Variants in ANKMY1 observed in about 807,000 individuals in gnomAD.
ANKMY1 encodes ankyrin repeat and MYND domain containing 1.
ANKMY1 carries 98 observed loss-of-function variants against 102.0 expected under a neutral mutation model. That is an observed-to-expected ratio of 0.96 (90% CI 0.82 to 1.14). The LOEUF is 1.14. ANKMY1 is among the 50% of genes most tolerant of loss of function. The probability of loss-of-function intolerance (pLI) is 0.00; values close to 1 mark genes in which losing one functional copy is unlikely to be tolerated. For missense variants in ANKMY1, 1,330 were observed against 1,347.6 expected (o/e 0.99, Z 0.20); for synonymous variants, 582 against 559.9 (o/e 1.04, Z -0.56).
At chr2:240,547,218 C>T (rs1483225470) in intron 4 of ANKMY1, among the ~76,000 whole-genome samples, 1 of 152,186 alleles carries the variant, frequency 6.6e-6, no homozygotes, top group Non-Finnish European at 1.5e-5. Context: ...TCACTCAAAA[C>T]CGCTCAACTA....
intron 9 of ANKMY1, among the ~76,000 whole-genome samples, chr2:240,517,301 C>T (rs1445274026): frequency 6.6e-6 from 1 of 152,218 alleles, no homozygotes; most frequent in Admixed American, 6.5e-5. Flanking sequence ...TTCCTTTGCA[C>T]ACTTCCGGGC....
chr2:240,557,426 G>GC, intron 1 of ANKMY1, 74 bp from the exon 2 acceptor site: 1 of 1,394,940 alleles, frequency 7.2e-7, no homozygotes, highest in Non-Finnish European at 9.4e-7. Flanking sequence ...CCGAGGCCCG[G>GC]CCCGCGGCCC....
In ANKMY1 at chr2:240,492,633, T is replaced by C. The variant is rs377499882; in HGVS notation, c.2806+7325A>G. On this transcript the variant is annotated intron_variant, in intron 15 of 17. Coordinates refer to ENST00000401804, the MANE Select transcript of ANKMY1 (RefSeq NM_001282771.3). ...ATCCTGAATTGTTTTTCTAATTTATTTGTATTGTTTGTTCAGTATTCTCTT... is the reference window on the plus strand; with the variant it reads ...ATCCTGAATTGTTTTTCTAATTTATCTGTATTGTTTGTTCAGTATTCTCTT... Among the ~76,000 whole-genome samples, 487 of 152,344 alleles carry C rather than the reference T, an allele frequency of 3.2e-3. 2 individuals carry two copies. The highest frequency in any genetic ancestry group is 0.011 in the African/African-American group (471 of 41,578).
At chr2:240,504,017 C>T (rs1243344226) in intron 13 of ANKMY1, among the ~76,000 whole-genome samples, 1 of 152,232 alleles carries the variant, frequency 6.6e-6, no homozygotes, top group Non-Finnish European at 1.5e-5. Flanking sequence ...ACACCTCGAT[C>T]GCGGCCTCCA....
upstream of ANKMY1, among the ~76,000 whole-genome samples, chr2:240,559,764 C>G (rs1332142976): frequency 6.6e-6 from 1 of 152,164 alleles, no homozygotes; most frequent in Non-Finnish European, 1.5e-5. Context: ...AAGAGTGAAC[C>G]CCAGGCTGCA....
chr2:240,556,524 C>T (rs184716894), intron 2 of ANKMY1, among the ~76,000 whole-genome samples: 5 of 152,246 alleles, frequency 3.3e-5, no homozygotes, highest in Admixed American at 1.3e-4. Context: ...ACACCTATGA[C>T]ACACTGCCAC....
At chr2:240,511,645 C>T (rs1178259686) in intron 11 of ANKMY1, among the ~76,000 whole-genome samples, 1 of 152,248 alleles carries the variant, frequency 6.6e-6, no homozygotes, top group African/African-American at 2.4e-5. Context: ...GACTTCATGC[C>T]GCCACCCAGG....
At chr2:240,496,722 T>C (rs534615617) in intron 15 of ANKMY1, among the ~76,000 whole-genome samples, 1 of 152,222 alleles carries the variant, frequency 6.6e-6, no homozygotes, top group Non-Finnish European at 1.5e-5. Flanking sequence ...TCTCCTTCCA[T>C]GACCAAACGC....
chr2:240,548,804 C>G (rs1466015447), intron 4 of ANKMY1, among the ~76,000 whole-genome samples: 1 of 148,926 alleles, frequency 6.7e-6, no homozygotes, highest in Admixed American at 6.7e-5. Flanking sequence ...ATCCAACTTA[C>G]AAGGGATGTG....
chr2:240,475,683 A>G (rs2074807054), downstream of ANKMY1, among the ~76,000 whole-genome samples: 1 of 151,878 alleles, frequency 6.6e-6, no homozygotes, highest in Non-Finnish European at 1.5e-5. Context: ...TAAAAACACA[A>G]CTAATTTTTG....
At chr2:240,519,001 C>G (rs1195534043) in intron 9 of ANKMY1, among the ~76,000 whole-genome samples, 1 of 152,240 alleles carries the variant, frequency 6.6e-6, no homozygotes, top group African/African-American at 2.4e-5. Context: ...CATCAGCTCT[C>G]ACCCCATCAA....
At chr2:240,497,369 G>C (rs1352024415) in intron 15 of ANKMY1, among the ~76,000 whole-genome samples, 3 of 152,216 alleles carry the variant, frequency 2.0e-5, no homozygotes, top group Non-Finnish European at 4.4e-5. Flanking sequence ...GAGAATTATT[G>C]ACATCCATGC....
chr2:240,518,384 CCCT>C (rs1365978466), intron 9 of ANKMY1, among the ~76,000 whole-genome samples: 26 of 152,194 alleles, frequency 1.7e-4, no homozygotes, highest in African/African-American at 5.5e-4. Context: ...TTTTTCTTAG[CCCT>C]CCTAATTCCT....
chr2:240,549,039 A>T (rs1410579018), intron 4 of ANKMY1, among the ~76,000 whole-genome samples: 3 of 151,728 alleles, frequency 2.0e-5, no homozygotes, highest in African/African-American at 7.2e-5. Flanking sequence ...GGAATCAAAA[A>T]AGAGCCCGCA....
chr2:240,532,082 A>T (rs1220725582), intron 4 of ANKMY1: 3 of 469,174 alleles, frequency 6.4e-6, no homozygotes, highest in Non-Finnish European at 4.4e-6. Context: ...CAATATTTGA[A>T]GAAATAACAG....
Position 240,520,160 on chromosome 2 carries a change from G to T in ANKMY1, c.2004+202C>A. Reference sequence around the variant, plus strand: ...GAAGTACTCTAAAAACTAGCTCGGTGTCCAAATCCTGTCTGGGGACATGGG... The same window carrying T: ...GAAGTACTCTAAAAACTAGCTCGGTTTCCAAATCCTGTCTGGGGACATGGG... On this transcript the variant is annotated intron_variant, in intron 9 of 17. Transcript: ENST00000401804. The surrounding 1 kb of genome is among the most constrained non-coding windows in gnomAD (Gnocchi z 4.8). 1.2e-6 allele frequency: 1 copy of T among 847,130 alleles called. No homozygotes were observed. Among genetic ancestry groups the T allele is most frequent in the Non-Finnish European group, 2.0e-6 (1 of 505,222 alleles). The allele number at this position is 847,130 out of a possible 1,614,324, so 52.5% of individuals were successfully genotyped here.
chr2:240,557,732 G>A (rs1481566060), intron 1 of ANKMY1, 149 bp downstream of exon 1: 5 of 427,572 alleles, frequency 1.2e-5, no homozygotes, highest in Admixed American at 6.3e-5. Context: ...CTCGGGAGAC[G>A]CCGCGCCCAC....
rs1456732774 is a variant in ANKMY1, at chr2:240,529,964, G to A, written c.481-455C>T. The stretch of plus-strand genomic sequence containing the variant: ...GAGGAGGAGATAGAGGAAAGGAAGA[G>A]GAGGAGGAGGAAGAGGAAGGAGGGA... On this transcript the variant is annotated intron_variant, in intron 4 of 17. Coordinates refer to ENST00000401804, the MANE Select transcript of ANKMY1 (RefSeq NM_001282771.3). This position sits in a 1 kb window ranked among gnomAD's most constrained non-coding sequence, Gnocchi z 4.2. Among the ~76,000 whole-genome samples, 1 of 132,550 alleles carries A rather than the reference G, an allele frequency of 7.5e-6. No individual in the cohort carries two copies. Among genetic ancestry groups the A allele is most frequent in the Non-Finnish European group, 1.7e-5 (1 of 57,456 alleles). 87.0% of individuals were successfully genotyped at this position (132,550 alleles called of 152,430 possible).
rs773466074 is a variant in ANKMY1 at position 240,512,952 on chromosome 2, A to G, written c.2005-10T>C. 1.3e-5 allele frequency: 21 copies of G among 1,609,980 alleles called. No homozygotes were observed. The Admixed American group carries it at 3.4e-4, about 26-fold the overall frequency. ...GTGTCAGGGTGCTCAGCTGCAGAGG[A>G]AACACCGGGGCGGGCAGTGAGGCAC... On this transcript the variant is annotated splice_polypyrimidine_tract_variant and intron_variant, in intron 9 of 17. Transcript: ENST00000401804.
Sources: gnomAD v4.1 joint callset for allele counts (sites outside exome capture counted in the v4.1 genomes callset) on GRCh38, gnomAD v4.1.1 for gene constraint, Gnocchi (gnomAD v3.1) non-coding constraint, MANE v1.5 for transcripts, NCBI Gene and HGNC (gene_info 2026-07-23, HGNC 2026-07-21) for gene names.